The following GTF3C1 variants were observed in gnomAD, a reference collection of about 807,000 sequenced individuals.
GTF3C1 encodes the protein general transcription factor IIIC subunit 1.
A neutral mutation model predicts 226.7 loss-of-function variants in GTF3C1; 57 were observed. The ratio of observed to expected loss-of-function variants is 0.25; its 90% CI spans 0.20 to 0.31. The LOEUF (loss-of-function observed/expected upper bound fraction) is 0.31. Among genes scored for constraint, GTF3C1 ranks in the 10% least tolerant of loss-of-function variants. The pLI is 1.00. For synonymous variants in GTF3C1, 1,090 were observed against 1,084.8 expected (o/e 1.00, Z -0.09); for missense variants, 2,217 against 2,776.1 (o/e 0.80, Z 4.53).
chr16:27,489,237 C>A, intron 20 of GTF3C1, 59 bp from the exon 21 acceptor site: 1 of 1,581,520 alleles, frequency 6.3e-7, no homozygotes. Context: ...AAAAAGAGAG[C>A]CCATGGCATG....
At chr16:27,540,688 A>G (rs1011646803) in intron 2 of GTF3C1, among the ~76,000 whole-genome samples, 9 of 152,200 alleles carry the variant, frequency 5.9e-5, no homozygotes, top group Non-Finnish European at 1.2e-4. Context: ...TTTAAAATGA[A>G]TAATTCTAAT....
At chr16:27,464,186 G>T in intron 34 of GTF3C1, 134 bp downstream of exon 34, 1 of 517,336 alleles carries the variant, frequency 1.9e-6, no homozygotes, top group Non-Finnish European at 3.2e-6. Context: ...CAGGCTCTGA[G>T]AAGCTGAAGT....
At position 27,470,307 on chromosome 16, in the gene GTF3C1, G is replaced by C; in HGVS notation, c.4615C>G (p.Pro1539Ala). The part of the protein sequence containing the change: ...RMRAAGKLDQ[P>A]DRFSFKDQDN... ...TGGTCTTTGAAAGAGAAACGATCAG[G>C]CTGGTCCAACTTGCCGGCAGCCCGC... is the stretch of plus-strand genomic sequence containing the variant. The change falls in exon 31 of 37, where the codon CCT (proline) becomes GCT (alanine). Residue 1539 changes from proline to alanine, a missense_variant. Physicochemically the swap from Pro to Ala is conservative, Grantham distance 27. Coordinates refer to ENST00000356183, the MANE Select transcript of GTF3C1 (RefSeq NM_001520.4). The surrounding 1 kb of genome is among the most constrained non-coding windows in gnomAD (Gnocchi z 4.9). 1.9e-6 allele frequency: 3 copies of C among 1,613,618 alleles called. No individual in the cohort carries two copies. The highest frequency in any genetic ancestry group is 4.5e-5 in the East Asian group (2 of 44,884).
chr16:27,494,197 T>A (rs1735106044), intron 16 of GTF3C1, among the ~76,000 whole-genome samples: 1 of 151,990 alleles, frequency 6.6e-6, no homozygotes, highest in Admixed American at 6.6e-5. Flanking sequence ...GTCAGAAGAT[T>A]GAGACCATCC....
chr16:27,503,464 G>A (rs976642011), intron 10 of GTF3C1, among the ~76,000 whole-genome samples: 4 of 152,184 alleles, frequency 2.6e-5, no homozygotes, highest in African/African-American at 9.7e-5. Flanking sequence ...ACTCTCCAGT[G>A]TCTCATGGGG....
intron 6 of GTF3C1, among the ~76,000 whole-genome samples, chr16:27,515,341 C>T (rs956181917): frequency 4.6e-5 from 7 of 151,720 alleles, no homozygotes; most frequent in South Asian, 2.1e-4. Flanking sequence ...CCCAGCTACT[C>T]GGAAGGCTGA....
At position 27,464,851 on chromosome 16, in the gene GTF3C1, G is replaced by A. The variant is rs2087760879; in HGVS notation, c.5356-15C>T. Reference sequence around the variant, plus strand: ...TCCAGGAGGGCCTGGGGAGGCAGGAGACACGCGGGGTCTGTGGGGAGCTCG... The same window carrying A: ...TCCAGGAGGGCCTGGGGAGGCAGGAAACACGCGGGGTCTGTGGGGAGCTCG... On this transcript the variant is annotated splice_polypyrimidine_tract_variant and intron_variant, in intron 33 of 36. Transcript: ENST00000356183. 1 of 1,498,024 alleles carries A rather than the reference G, an allele frequency of 6.7e-7. No homozygotes were observed. Among genetic ancestry groups the A allele is most frequent in the Non-Finnish European group, 8.8e-7 (1 of 1,132,300 alleles). The allele number at this position is 1,498,024 out of a possible 1,614,324, so 92.8% of individuals were successfully genotyped here.
intron 23 of GTF3C1, among the ~76,000 whole-genome samples, chr16:27,487,317 C>T (rs562323386): frequency 2.0e-5 from 3 of 152,296 alleles, no homozygotes; most frequent in Non-Finnish European, 2.9e-5. Flanking sequence ...CTGTCTTTAA[C>T]TGAAATAGCT....
rs75194423 is a variant in GTF3C1 at position 27,547,953 on chromosome 16, G to T, written c.221+1717C>A. ...AAAGACTTGATTCCAGTCCAATTTG[G>T]CTGGAATCTGAACTCAGACCTTCCT... On this transcript the variant is annotated intron_variant, in intron 1 of 36. Coordinates refer to ENST00000356183, the MANE Select transcript of GTF3C1 (RefSeq NM_001520.4). Among the ~76,000 whole-genome samples, 1,064 of 152,176 alleles carry T rather than the reference G, an allele frequency of 7.0e-3. 16 individuals carry two copies. The highest frequency in any genetic ancestry group is 0.024 in the African/African-American group (1,009 of 41,516).
At chr16:27,493,746 C>A (rs973752903) in intron 16 of GTF3C1, among the ~76,000 whole-genome samples, 2 of 152,078 alleles carry the variant, frequency 1.3e-5, no homozygotes, top group Non-Finnish European at 2.9e-5. Flanking sequence ...ACCTACTCAA[C>A]AGTAGTAAGA....
chr16:27,481,840 T>C (rs1464558295), intron 26 of GTF3C1, among the ~76,000 whole-genome samples: 2 of 152,190 alleles, frequency 1.3e-5, no homozygotes, highest in Non-Finnish European at 2.9e-5. Flanking sequence ...TGCCGTGGTT[T>C]CCAGTCTCGC....
At chr16:27,548,433 A>C (rs1287884825) in intron 1 of GTF3C1, among the ~76,000 whole-genome samples, 4 of 152,076 alleles carry the variant, frequency 2.6e-5, no homozygotes, top group Non-Finnish European at 4.4e-5. Context: ...CGCCAGGCTA[A>C]TTTTTGTATT....
Position 27,464,713 on chromosome 16 carries a change from T to C in GTF3C1, c.5479A>G (p.Ile1827Val). 4 of 1,596,628 alleles carry C rather than the reference T, an allele frequency of 2.5e-6. No homozygotes were observed. Among genetic ancestry groups the C allele is most frequent in the African/African-American group, 2.7e-5 (2 of 74,682 alleles). The change falls in exon 34 of 37, where the codon ATC (isoleucine) becomes GTC (valine). Residue 1827 changes from isoleucine to valine, a missense_variant. By Grantham distance (29) the Ile-to-Val change is conservative. Around this residue, in one of 12 missense-constraint regions of GTF3C1, gnomAD observed 455 missense variants for 441.9 expected, o/e 1.03. Coordinates refer to ENST00000356183, the MANE Select transcript of GTF3C1 (RefSeq NM_001520.4). ...CTGGCCTGGGGGTCTTCTCTCTGGA[T>C]GTCGGCGTCTTCTCTGTCTTTCAGC... ...VRLKDREDAD[I>V]QREDPQARPL...
At chr16:27,498,864 T>G (rs1336008526) in intron 12 of GTF3C1, 131 bp from the exon 13 acceptor site, 9 of 651,414 alleles carry the variant, frequency 1.4e-5, no homozygotes, top group Non-Finnish European at 5.6e-6. Flanking sequence ...GATTAGGAGA[T>G]CGAAACAAAA....
intron 7 of GTF3C1, among the ~76,000 whole-genome samples, chr16:27,511,174 C>G (rs2088565775): frequency 1.3e-5 from 2 of 152,204 alleles, no homozygotes; most frequent in African/African-American, 4.8e-5. Context: ...CAGATCTGCC[C>G]TCCATGCAGG....
chr16:27,547,949 T>G (rs2089187955), intron 1 of GTF3C1, among the ~76,000 whole-genome samples: 1 of 152,138 alleles, frequency 6.6e-6, no homozygotes, highest in Non-Finnish European at 1.5e-5. Context: ...TCCAGTCCAA[T>G]TTGGCTGGAA....
chr16:27,531,097 A>C (rs1596656148), intron 5 of GTF3C1, among the ~76,000 whole-genome samples: 1 of 152,128 alleles, frequency 6.6e-6, no homozygotes, highest in East Asian at 1.9e-4. Flanking sequence ...CTCTGGTCTC[A>C]GTCTCCCGAG....
Position 27,470,420 on chromosome 16 carries a change from CCTGA to C in GTF3C1, c.4527-29_4527-26del. On this transcript the variant is annotated intron_variant, in intron 30 of 36. Coordinates refer to ENST00000356183, the MANE Select transcript of GTF3C1 (RefSeq NM_001520.4). The surrounding 1 kb of genome is among the most constrained non-coding windows in gnomAD (Gnocchi z 4.9). ...CCTACAGACAAAAAGAAAGGAAGGG[CCTGA>C]CTGAGGGCCAGCTGTGGGAAGCCTT... 3.1e-6 allele frequency: 5 copies of C among 1,599,926 alleles called. No homozygotes were observed. Among genetic ancestry groups the C allele is most frequent in the Non-Finnish European group, 4.3e-6 (5 of 1,170,612 alleles).
rs1341095585 is a variant in GTF3C1, at chr16:27,488,322, G to A, written c.3605C>T (p.Ser1202Leu). Residue 1202 changes from serine to leucine, a missense_variant, in exon 23 of 37, where the codon TCG becomes TTG. By Grantham distance (145) the Ser-to-Leu change is moderately radical. This residue lies in a region of GTF3C1 where 546 missense variants were observed against 663.0 expected (regional missense o/e 0.82). Coordinates refer to ENST00000356183, the MANE Select transcript of GTF3C1 (RefSeq NM_001520.4). ...CCTCACTCTCCGGTTTCGGTCCAGC[G>A]AGGGCTCTCGGTCCACCTCAAACTG... ...EEQFEVDREP[S>L]LDRNRRVRGG... 7 of 1,613,886 alleles carry A rather than the reference G, an allele frequency of 4.3e-6. No homozygotes were observed. Among genetic ancestry groups the A allele is most frequent in the Admixed American group, 1.7e-5 (1 of 60,000 alleles).
Sources: allele counts gnomAD v4.1 joint callset (sites outside exome capture counted in the v4.1 genomes callset), GRCh38; gene constraint gnomAD v4.1.1; regional missense constraint gnomAD v4.1.1; non-coding constraint Gnocchi (gnomAD v3.1); transcripts MANE v1.5; gene names NCBI Gene and HGNC (gene_info 2026-07-23, HGNC 2026-07-21).